The following PCSK2 variants were observed in gnomAD, a reference collection of about 807,000 sequenced individuals.
PCSK2 encodes the protein proprotein convertase subtilisin/kexin type 2.
In PCSK2, 14 loss-of-function variants were observed where a neutral mutation model predicts 69.7. The observed-to-expected ratio is 0.20, with a 90% CI of 0.13 to 0.31. The LOEUF (loss-of-function observed/expected upper bound fraction) is 0.31. Among genes scored for constraint, PCSK2 ranks in the 10% least tolerant of loss-of-function variants. The pLI, the probability that PCSK2 is intolerant of heterozygous loss-of-function variation, is 1.00. For missense variants in PCSK2, 544 were observed against 842.5 expected (o/e 0.65, Z 4.39); for synonymous variants, 307 against 320.7 (o/e 0.96, Z 0.46).
At chr20:17,477,844 G>C (rs1347903720) in intron 11 of PCSK2, among the ~76,000 whole-genome samples, 2 of 152,074 alleles carry the variant, frequency 1.3e-5, no homozygotes, top group African/African-American at 4.8e-5. Flanking sequence ...TTCGCATTTG[G>C]TGGCCAGCTG....
chr20:17,448,690 A>G (rs746779627), intron 8 of PCSK2, among the ~76,000 whole-genome samples: 2 of 152,148 alleles, frequency 1.3e-5, no homozygotes, highest in African/African-American at 2.4e-5. Flanking sequence ...ATCACCAAAA[A>G]TGTCTCCATC....
At chr20:17,322,655 GGA>G (rs1016360770) in intron 2 of PCSK2, among the ~76,000 whole-genome samples, 6 of 152,170 alleles carry the variant, frequency 3.9e-5, no homozygotes, top group African/African-American at 1.2e-4. Context: ...GGGTCTGTCA[GGA>G]GCCCAGTCTC....
At chr20:17,461,803 A>G (rs994507630) in intron 10 of PCSK2, among the ~76,000 whole-genome samples, 1 of 152,202 alleles carries the variant, frequency 6.6e-6, no homozygotes, top group African/African-American at 2.4e-5. Context: ...GTTAGAAGTC[A>G]GGTTCCTACA....
chr20:17,232,533 G>T (rs992904616), intron 1 of PCSK2, among the ~76,000 whole-genome samples: 7 of 152,104 alleles, frequency 4.6e-5, no homozygotes, highest in Non-Finnish European at 1.0e-4. Flanking sequence ...CTTTTGGGTT[G>T]TCCATCTTCA....
chr20:17,301,249 A>G lies in PCSK2; in HGVS notation c.282+40905A>G, dbSNP rs185293218. Among the ~76,000 whole-genome samples the G allele has an allele frequency of 7.2e-5, 11 of 152,296 alleles. No individual in the cohort carries two copies. In the East Asian group the frequency reaches 1.9e-3, roughly 27 times the overall value. ...TGGATGTGGATGCCAAGAGTTCTGT[A>G]TCTCATCATTTTGGTGGAGGAGACA... On this transcript the variant is annotated intron_variant, in intron 2 of 11. Transcript: ENST00000262545.
chr20:17,451,129 GT>G (rs997279840), intron 8 of PCSK2, among the ~76,000 whole-genome samples: 3 of 152,164 alleles, frequency 2.0e-5, no homozygotes, highest in African/African-American at 7.2e-5. Flanking sequence ...AGAAAACAAA[GT>G]TTAATATTCC....
intron 7 of PCSK2, among the ~76,000 whole-genome samples, chr20:17,436,281 A>C (rs2032482759): frequency 6.6e-6 from 1 of 151,726 alleles, no homozygotes; most frequent in Admixed American, 6.6e-5. Flanking sequence ...GCCTGCTGGA[A>C]TTTCTCCTCA....
At chr20:17,355,660 C>CACACACAT (rs1274194687) in intron 2 of PCSK2, among the ~76,000 whole-genome samples, 1 of 151,664 alleles carries the variant, frequency 6.6e-6, no homozygotes, top group Non-Finnish European at 1.5e-5. Flanking sequence ...AACACACACA[C>CACACACAT]ACACACACAC....
intron 11 of PCSK2, among the ~76,000 whole-genome samples, chr20:17,468,539 T>C (rs1391155395): frequency 6.8e-6 from 1 of 147,580 alleles, no homozygotes; most frequent in African/African-American, 2.6e-5. Flanking sequence ...CAGCCTACCA[T>C]AGGTCAGCAT....
At chr20:17,237,308 A>G (rs1362127154) in intron 1 of PCSK2, among the ~76,000 whole-genome samples, 1 of 152,246 alleles carries the variant, frequency 6.6e-6, no homozygotes, top group Non-Finnish European at 1.5e-5. Flanking sequence ...GGTGATCAAG[A>G]CACTAAAAGT....
chr20:17,394,702 C>A (rs2031469593), intron 5 of PCSK2, among the ~76,000 whole-genome samples: 1 of 152,202 alleles, frequency 6.6e-6, no homozygotes, highest in Admixed American at 6.5e-5. Context: ...AATTCACCTG[C>A]TGGAACCCCT....
intron 7 of PCSK2, among the ~76,000 whole-genome samples, chr20:17,432,325 C>T (rs983511611): frequency 2.0e-5 from 3 of 152,120 alleles, no homozygotes; most frequent in Admixed American, 1.3e-4. Context: ...CATTTCTCTT[C>T]GCGTCCGTCT....
intron 11 of PCSK2, among the ~76,000 whole-genome samples, chr20:17,477,415 C>T (rs1463301766): frequency 2.6e-5 from 4 of 151,522 alleles, no homozygotes; most frequent in East Asian, 1.9e-4. Flanking sequence ...AGCAAGTTCA[C>T]GAGGTATGAA....
chr20:17,342,637 C>CT (rs112434595), intron 2 of PCSK2, among the ~76,000 whole-genome samples: 18,534 of 144,454 alleles, frequency 0.13, 1,232 homozygotes, highest in Non-Finnish European at 0.15. Context: ...CTTTAATAAA[C>CT]TTTTTTTTTT....
At chr20:17,338,163 A>ATT (rs138403647) in intron 2 of PCSK2, among the ~76,000 whole-genome samples, 52 of 52,896 alleles carry the variant, frequency 9.8e-4, no homozygotes, top group Admixed American at 2.5e-3. Context: ...GAAACCTTAC[A>ATT]TTTTTTTTGG....
intron 5 of PCSK2, among the ~76,000 whole-genome samples, chr20:17,394,470 G>A (rs187365345): frequency 1.2e-4 from 18 of 152,284 alleles, no homozygotes; most frequent in Non-Finnish European, 2.1e-4. Flanking sequence ...CGAACCGTAG[G>A]GGATGGAAAA....
chr20:17,327,714 T>C (rs1990105479), intron 2 of PCSK2, among the ~76,000 whole-genome samples: 1 of 152,212 alleles, frequency 6.6e-6, no homozygotes, highest in South Asian at 2.1e-4. Context: ...AATTTTAAAT[T>C]GGCCAGAATA....
intron 2 of PCSK2, among the ~76,000 whole-genome samples, chr20:17,293,254 T>G (rs528053474): frequency 6.6e-6 from 1 of 152,340 alleles, no homozygotes; most frequent in East Asian, 1.9e-4. Context: ...TCAAATTTTC[T>G]AAGAAGAAAC....
At chr20:17,268,059 AT>A (rs1158623221) in intron 2 of PCSK2, among the ~76,000 whole-genome samples, 107 of 144,124 alleles carry the variant, frequency 7.4e-4, no homozygotes, top group African/African-American at 2.6e-3. Context: ...ATATATATAT[AT>A]ATAATGCATT....
Sources: allele counts gnomAD v4.1 joint callset (sites outside exome capture counted in the v4.1 genomes callset), GRCh38; gene constraint gnomAD v4.1.1; transcripts MANE v1.5; gene names NCBI Gene and HGNC (gene_info 2026-07-23, HGNC 2026-07-21).